Variants in SGCZ observed in about 807,000 individuals in gnomAD.
SGCZ encodes the protein zeta-sarcoglycan.
SGCZ carries 40 observed loss-of-function variants against 41.3 expected under a neutral mutation model. That is an observed-to-expected ratio of 0.97 (90% CI 0.75 to 1.26). The LOEUF is 1.26. SGCZ is among the 50% of genes most tolerant of loss of function. SGCZ has a pLI of 0.00. For missense variants in SGCZ, 552 were observed against 369.8 expected (o/e 1.49, Z -4.04); for synonymous variants, 206 against 137.5 (o/e 1.50, Z -3.49).
chr8:14,511,805 T>G (rs1563377165), intron 2 of SGCZ, among the ~76,000 whole-genome samples: 1 of 152,132 alleles, frequency 6.6e-6, no homozygotes, highest in Non-Finnish European at 1.5e-5. Flanking sequence ...CTTCTGGAAT[T>G]TCAGGATATT....
chr8:14,541,039 T>C (rs1160875245), intron 2 of SGCZ, among the ~76,000 whole-genome samples: 2 of 151,084 alleles, frequency 1.3e-5, no homozygotes, highest in East Asian at 1.9e-4. Context: ...TATATGTATA[T>C]ATAATACATA....
At chr8:14,226,913 T>C (rs1346106140) in intron 4 of SGCZ, among the ~76,000 whole-genome samples, 1 of 152,146 alleles carries the variant, frequency 6.6e-6, no homozygotes, top group Non-Finnish European at 1.5e-5. Context: ...ACTTATGATT[T>C]CTCAAAGCCT....
intron 1 of SGCZ, among the ~76,000 whole-genome samples, chr8:14,823,055 T>TA (rs34307530): frequency 0.053 from 4,029 of 75,434 alleles, 320 homozygotes; most frequent in African/African-American, 0.15. Flanking sequence ...CCAATCCTCA[T>TA]AAAAAAAAAA....
chr8:14,679,216 A>C (rs1283133365), intron 1 of SGCZ, among the ~76,000 whole-genome samples: 1 of 152,146 alleles, frequency 6.6e-6, no homozygotes, highest in Non-Finnish European at 1.5e-5. Context: ...TTACTGGTTC[A>C]TATATTTACT....
rs373000694 is a variant in SGCZ at position 14,679,134 on chromosome 8, A to C, written c.40-124208T>G. Among the ~76,000 whole-genome samples the C allele has an allele frequency of 6.6e-5, 10 of 152,330 alleles. No homozygotes were observed. In the East Asian group the frequency reaches 1.5e-3, roughly 23 times the overall value. On this transcript the variant is annotated intron_variant, in intron 1 of 7. Coordinates refer to ENST00000382080, the MANE Select transcript of SGCZ (RefSeq NM_139167.4). ...GTGCAGGTATAAACCGACCTACTGC[A>C]CTGCCAGTCATATAATAATATATCA...
At chr8:14,128,211 A>G (rs1409814470) in intron 5 of SGCZ, among the ~76,000 whole-genome samples, 3 of 152,242 alleles carry the variant, frequency 2.0e-5, no homozygotes, top group Non-Finnish European at 2.9e-5. Context: ...GGCAAATGAC[A>G]TAAACAGGCA....
chr8:14,398,271 G>C (rs1220435100), intron 2 of SGCZ, among the ~76,000 whole-genome samples: 1 of 152,138 alleles, frequency 6.6e-6, no homozygotes, highest in Non-Finnish European at 1.5e-5. Flanking sequence ...TCTCAGCTTT[G>C]AAATGAGAAC....
At chr8:14,661,835 A>T (rs556172572) in intron 1 of SGCZ, among the ~76,000 whole-genome samples, 28 of 105,528 alleles carry the variant, frequency 2.7e-4, no homozygotes, top group African/African-American at 1.3e-3. Context: ...TGTGATCTCA[A>T]ATTGTTAAAA....
intron 1 of SGCZ, among the ~76,000 whole-genome samples, chr8:14,764,390 C>T (rs1046540505): frequency 1.3e-5 from 2 of 152,144 alleles, no homozygotes; most frequent in Non-Finnish European, 2.9e-5. Context: ...ATAAAAGAAA[C>T]TAATGGTCAA....
chr8:14,716,262 C>T (rs985187516), intron 1 of SGCZ, among the ~76,000 whole-genome samples: 1 of 151,662 alleles, frequency 6.6e-6, no homozygotes, highest in African/African-American at 2.4e-5. Context: ...ATGTAGAAAA[C>T]AATGTTAGAC....
intron 1 of SGCZ, among the ~76,000 whole-genome samples, chr8:14,962,319 T>A (rs1400142772): frequency 6.6e-6 from 1 of 152,070 alleles, no homozygotes; most frequent in African/African-American, 2.4e-5. Context: ...TTGCCTCAAA[T>A]GTTGATAGCT....
chr8:14,573,381 T>C (rs1804616896), intron 1 of SGCZ, among the ~76,000 whole-genome samples: 1 of 151,858 alleles, frequency 6.6e-6, no homozygotes, highest in African/African-American at 2.4e-5. Flanking sequence ...TTTGTATTTT[T>C]AGTAGAGACG....
intron 1 of SGCZ, among the ~76,000 whole-genome samples, chr8:14,803,548 T>G (rs940304888): frequency 2.0e-5 from 3 of 151,990 alleles, no homozygotes; most frequent in Non-Finnish European, 2.9e-5. Context: ...CACCACGAGA[T>G]TATATCCCGC....
At chr8:14,387,402 G>C (rs1293072441) in intron 2 of SGCZ, among the ~76,000 whole-genome samples, 1 of 152,060 alleles carries the variant, frequency 6.6e-6, no homozygotes, top group African/African-American at 2.4e-5. Flanking sequence ...CCACTATGTA[G>C]TATAATTTAA....
At chr8:15,145,380 G>T (rs182784447) in intron 1 of SGCZ, among the ~76,000 whole-genome samples, 1 of 152,304 alleles carries the variant, frequency 6.6e-6, no homozygotes, top group African/African-American at 2.4e-5. Flanking sequence ...GGTAGAGTGA[G>T]GAAGGAGTGG....
intron 1 of SGCZ, among the ~76,000 whole-genome samples, chr8:14,855,187 G>C (rs1293871279): frequency 6.6e-6 from 1 of 151,792 alleles, no homozygotes; most frequent in African/African-American, 2.4e-5. Flanking sequence ...TGAGTAGCTG[G>C]GAATAAGGGA....
At chr8:14,126,640 T>C (rs1196924886) in intron 5 of SGCZ, among the ~76,000 whole-genome samples, 1 of 152,190 alleles carries the variant, frequency 6.6e-6, no homozygotes, top group African/African-American at 2.4e-5. Flanking sequence ...ACTGGGTATA[T>C]ATCCAAAGGA....
chr8:14,630,281 C>A (rs540163466), intron 1 of SGCZ, among the ~76,000 whole-genome samples: 8 of 150,922 alleles, frequency 5.3e-5, no homozygotes, highest in South Asian at 2.1e-4. Flanking sequence ...CTGCTTATGT[C>A]TGCTCTGTGG....
chr8:14,373,396 G>A (rs1030340911), intron 2 of SGCZ, among the ~76,000 whole-genome samples: 4 of 152,114 alleles, frequency 2.6e-5, no homozygotes, highest in African/African-American at 7.2e-5. Context: ...AGAGATATGG[G>A]CTAGTGATAA....
Sources: gnomAD v4.1 joint callset for allele counts (sites outside exome capture counted in the v4.1 genomes callset) on GRCh38, gnomAD v4.1.1 for gene constraint, MANE v1.5 for transcripts, NCBI Gene and HGNC (gene_info 2026-07-23, HGNC 2026-07-21) for gene names.